CDH20: variants seen among roughly 807,000 people sequenced by gnomAD.
CDH20 encodes cadherin-20.
A neutral mutation model predicts 74.2 loss-of-function variants in CDH20; 29 were observed. The observed-to-expected ratio is 0.39, with a 90% CI of 0.29 to 0.53. The LOEUF (loss-of-function observed/expected upper bound fraction) is 0.53. Ranked by LOEUF, CDH20 falls within the 20% of genes least tolerant of loss-of-function variation. The pLI is 0.69. For synonymous variants in CDH20, 469 were observed against 405.4 expected (o/e 1.16, Z -1.88); for missense variants, 988 against 1,048.3 (o/e 0.94, Z 0.79).
At chr18:61,513,995 A>G (rs1016687931) in intron 6 of CDH20, among the ~76,000 whole-genome samples, 37 of 151,984 alleles carry the variant, frequency 2.4e-4, no homozygotes, top group East Asian at 1.4e-3. Context: ...TGCTCTTCTC[A>G]AGGAGTATCT....
At chr18:61,444,563 T>A (rs1345153914) in intron 1 of CDH20, among the ~76,000 whole-genome samples, 3 of 152,156 alleles carry the variant, frequency 2.0e-5, no homozygotes, top group Non-Finnish European at 4.4e-5. Flanking sequence ...GCTGGTAGTC[T>A]TTTAAAGGAA....
At position 61,367,825 on chromosome 18, in the gene CDH20, T is replaced by C. The variant is rs111540852; in HGVS notation, c.-153+33998T>C. The stretch of plus-strand genomic sequence containing the variant: ...GGGTGTAGGCAGAGCTGGTTCTTCC[T>C]GAGGGCTGTGAGAGAAGGATCTGTT... On this transcript the variant is annotated intron_variant, in intron 1 of 11. Coordinates refer to ENST00000262717, the MANE Select transcript of CDH20 (RefSeq NM_031891.4). Among the ~76,000 whole-genome samples the C allele has an allele frequency of 5.3e-4, 81 of 152,276 alleles. 1 individual carries two copies. Among genetic ancestry groups the C allele is most frequent in the African/African-American group, 1.7e-3 (71 of 41,562 alleles).
intron 6 of CDH20, among the ~76,000 whole-genome samples, chr18:61,516,252 AC>A (rs1344342800): frequency 1.3e-5 from 2 of 152,320 alleles, no homozygotes; most frequent in East Asian, 3.9e-4. Context: ...ACATTGGGAA[AC>A]TTTTTGCACT....
chr18:61,431,195 G>A (rs1913239810), intron 1 of CDH20, among the ~76,000 whole-genome samples: 1 of 152,044 alleles, frequency 6.6e-6, no homozygotes, highest in Admixed American at 6.6e-5. Flanking sequence ...AAATCTCTCT[G>A]TAACTCCTAT....
chr18:61,418,467 T>G (rs941438909), intron 1 of CDH20, among the ~76,000 whole-genome samples: 2 of 139,536 alleles, frequency 1.4e-5, no homozygotes, highest in Non-Finnish European at 3.0e-5. Flanking sequence ...GGCAGGAGAA[T>G]GGCATGAACC....
At chr18:61,404,327 A>G (rs1408905951) in intron 1 of CDH20, among the ~76,000 whole-genome samples, 1 of 152,208 alleles carries the variant, frequency 6.6e-6, no homozygotes, top group East Asian at 1.9e-4. Context: ...TTACTTAAAA[A>G]CAGATAGGCG....
chr18:61,458,129 T>G (rs1909640935), intron 1 of CDH20, among the ~76,000 whole-genome samples: 1 of 152,200 alleles, frequency 6.6e-6, no homozygotes, highest in African/African-American at 2.4e-5. Context: ...AGTCTTGCTA[T>G]GAGACCTTCT....
At chr18:61,368,157 G>C (rs1910919699) in intron 1 of CDH20, among the ~76,000 whole-genome samples, 1 of 151,940 alleles carries the variant, frequency 6.6e-6, no homozygotes, top group African/African-American at 2.4e-5. Context: ...GATAATCCAG[G>C]ATAATCTTAT....
Position 61,353,232 on chromosome 18 carries a change from A to G in CDH20, c.-153+19405A>G, listed in dbSNP as rs1194811668. ...TTAGCGTGGCATTAGTTTCTCCACC[A>G]TCTACATCCAGATAACTCTCTTGCA... On this transcript the variant is annotated intron_variant, in intron 1 of 11. Transcript: ENST00000262717. The surrounding 1 kb of genome is among the most constrained non-coding windows in gnomAD (Gnocchi z 4.6). Among the ~76,000 whole-genome samples the G allele has an allele frequency of 6.6e-6, 1 of 152,182 alleles. No individual in the cohort carries two copies. The highest frequency in any genetic ancestry group is 1.5e-5 in the Non-Finnish European group (1 of 68,040).
rs538427268 is a variant in CDH20 at position 61,393,308 on chromosome 18, T to C, written c.-153+59481T>C. Reference sequence around the variant, plus strand: ...ATCCAGCCATACCCACCTAGGAAACTCAGAACAGACATTTTGCTTCCCACA... The same window carrying C: ...ATCCAGCCATACCCACCTAGGAAACCCAGAACAGACATTTTGCTTCCCACA... On this transcript the variant is annotated intron_variant, in intron 1 of 11. Coordinates refer to ENST00000262717, the MANE Select transcript of CDH20 (RefSeq NM_031891.4). Among the ~76,000 whole-genome samples, 19 of 152,270 alleles carry C rather than the reference T, an allele frequency of 1.2e-4. No homozygotes were observed. The South Asian group carries it at 3.7e-3, about 30-fold the overall frequency.
At chr18:61,339,849 A>G (rs945569664) in intron 1 of CDH20, among the ~76,000 whole-genome samples, 2 of 151,688 alleles carry the variant, frequency 1.3e-5, no homozygotes, top group Admixed American at 1.3e-4. Context: ...CACCATGCCC[A>G]GCTAATTTTT....
intron 8 of CDH20, among the ~76,000 whole-genome samples, chr18:61,538,602 G>GTTTTTTTTTTTTTTTTTT (rs1227502362): frequency 2.0e-5 from 1 of 50,448 alleles, no homozygotes; most frequent in African/African-American, 7.3e-5. Flanking sequence ...GTTTGTTTTT[G>GTTTTTTTTTTTTTTTTTT]TTTTTGTTTT....
intron 6 of CDH20, among the ~76,000 whole-genome samples, chr18:61,522,662 C>A (rs893371074): frequency 4.6e-5 from 7 of 152,180 alleles, no homozygotes; most frequent in African/African-American, 1.7e-4. Flanking sequence ...TGACTTCAAA[C>A]TATAGTACAA....
intron 9 of CDH20, among the ~76,000 whole-genome samples, chr18:61,542,799 T>A (rs983881016): frequency 2.6e-5 from 4 of 152,134 alleles, no homozygotes; most frequent in Admixed American, 6.6e-5. Flanking sequence ...GAAGCCAACA[T>A]GTGCAGATCA....
In CDH20 at chr18:61,388,290, C is replaced by T. The variant is rs532372082; in HGVS notation, c.-153+54463C>T. Among the ~76,000 whole-genome samples the T allele has an allele frequency of 4.5e-4, 68 of 152,264 alleles. No individual in the cohort carries two copies. The Middle Eastern group carries it at 0.01, about 23-fold the overall frequency. ...CTCAAAGATGAGAGTACAGAACATA[C>T]TAGGGGAAGGACAGTTAATCTGGAG... On this transcript the variant is annotated intron_variant, in intron 1 of 11. Transcript: ENST00000262717.
intron 6 of CDH20, among the ~76,000 whole-genome samples, chr18:61,524,557 T>C (rs1482945095): frequency 2.0e-5 from 3 of 152,184 alleles, no homozygotes; most frequent in African/African-American, 7.2e-5. Context: ...AATGTATCTC[T>C]AGTGAAGAAT....
intron 1 of CDH20, among the ~76,000 whole-genome samples, chr18:61,382,411 G>T (rs1364491082): frequency 1.3e-5 from 2 of 152,198 alleles, no homozygotes; most frequent in East Asian, 3.9e-4. Context: ...GGCTATTTCA[G>T]CTTACTAGCT....
chr18:61,420,228 A>G (rs1338295187), intron 1 of CDH20, among the ~76,000 whole-genome samples: 3 of 152,152 alleles, frequency 2.0e-5, no homozygotes, highest in African/African-American at 7.2e-5. Flanking sequence ...TGCCTGTTCC[A>G]TCAGCCCATT....
intron 10 of CDH20, among the ~76,000 whole-genome samples, chr18:61,547,431 AG>A (rs1913289822): frequency 6.6e-6 from 1 of 152,194 alleles, no homozygotes; most frequent in Non-Finnish European, 1.5e-5. Flanking sequence ...TGAACACAAC[AG>A]GGCACTATCT....
Sources: allele counts gnomAD v4.1 joint callset (sites outside exome capture counted in the v4.1 genomes callset), GRCh38; gene constraint gnomAD v4.1.1; non-coding constraint Gnocchi (gnomAD v3.1); transcripts MANE v1.5; gene names NCBI Gene and HGNC (gene_info 2026-07-23, HGNC 2026-07-21).